SPRED1: variants seen among roughly 807,000 people sequenced by gnomAD.
The protein encoded by SPRED1 is sprouty related EVH1 domain containing 1.
SPRED1 carries 18 observed loss-of-function variants against 52.3 expected under a neutral mutation model. The ratio of observed to expected loss-of-function variants is 0.34; its 90% confidence interval spans 0.24 to 0.51. The LOEUF (loss-of-function observed/expected upper bound fraction) is 0.51. Ranked by LOEUF, SPRED1 falls within the 20% of genes least tolerant of loss-of-function variation. The pLI is 0.97. For synonymous variants in SPRED1, 155 were observed against 179.7 expected (o/e 0.86, Z 1.10); for missense variants, 485 against 551.0 (o/e 0.88, Z 1.20).
At chr15:38,304,764 T>A (rs558750112) in intron 2 of SPRED1, among the ~76,000 whole-genome samples, 1 of 152,334 alleles carries the variant, frequency 6.6e-6, no homozygotes. Flanking sequence ...TTTTATAATT[T>A]CCTGTCATTT....
At chr15:38,257,587 G>C (rs1263921593) in intron 1 of SPRED1, among the ~76,000 whole-genome samples, 3 of 152,168 alleles carry the variant, frequency 2.0e-5, no homozygotes, top group South Asian at 2.1e-4. Flanking sequence ...GTTTGGATGT[G>C]CTTGGCCTCT....
intron 4 of SPRED1, among the ~76,000 whole-genome samples, chr15:38,331,633 CTAGGG>C (rs1895809483): frequency 1.3e-5 from 2 of 151,750 alleles, no homozygotes; most frequent in African/African-American, 4.8e-5. Flanking sequence ...ATTTTTTTTA[CTAGGG>C]TAGGTATATT....
At chr15:38,318,448 TTA>T (rs908103125) in intron 2 of SPRED1, among the ~76,000 whole-genome samples, 1 of 152,128 alleles carries the variant, frequency 6.6e-6, no homozygotes, top group Non-Finnish European at 1.5e-5. Flanking sequence ...ATTGATTTAT[TTA>T]CAATTTCATC....
chr15:38,324,262 C>T (rs751829514), intron 3 of SPRED1, among the ~76,000 whole-genome samples: 14 of 152,054 alleles, frequency 9.2e-5, no homozygotes, highest in Non-Finnish European at 1.6e-4. Context: ...TGTACAGAGA[C>T]GTTGATGCAA....
At chr15:38,292,036 A>C (rs990731346) in intron 1 of SPRED1, among the ~76,000 whole-genome samples, 6 of 152,150 alleles carry the variant, frequency 3.9e-5, no homozygotes, top group African/African-American at 1.4e-4. Context: ...AAAACAGCAT[A>C]AAACAACACC....
intron 2 of SPRED1, among the ~76,000 whole-genome samples, chr15:38,302,889 C>T (rs182797752): frequency 9.4e-4 from 143 of 152,186 alleles, no homozygotes; most frequent in African/African-American, 3.2e-3. Flanking sequence ...CTTGGCCGGG[C>T]GTGGTGGCTC....
chr15:38,336,307 A>G (rs1183201070), intron 4 of SPRED1, among the ~76,000 whole-genome samples: 1 of 151,272 alleles, frequency 6.6e-6, no homozygotes, highest in African/African-American at 2.4e-5. Flanking sequence ...GCATGCTTAG[A>G]GCACTATAAT....
At chr15:38,266,321 A>C (rs890156904) in intron 1 of SPRED1, among the ~76,000 whole-genome samples, 1 of 152,158 alleles carries the variant, frequency 6.6e-6, no homozygotes, top group African/African-American at 2.4e-5. Context: ...GTAACAGTTA[A>C]GAACATATAA....
At position 38,352,142 on chromosome 15, in the gene SPRED1, GC is replaced by G. The variant is rs1888504345; in HGVS notation, c.*479del. ...ATCATTTATTAGTTGTTTTTTGAAAGCAGTTTTATGTATAAATAACAAATGT... is the reference window on the plus strand; with the variant it reads ...ATCATTTATTAGTTGTTTTTTGAAAGAGTTTTATGTATAAATAACAAATGT... On this transcript the variant is annotated 3_prime_UTR_variant, in exon 7 of 7. Transcript: ENST00000299084. 6.0e-6 allele frequency: 1 copy of G among 166,318 alleles called. No individual in the cohort carries two copies. The highest frequency in any genetic ancestry group is 2.4e-5 in the African/African-American group (1 of 41,460). 10.3% of individuals were successfully genotyped at this position (166,318 alleles called of 1,614,324 possible).
At chr15:38,291,383 A>G (rs11637128) in intron 1 of SPRED1, among the ~76,000 whole-genome samples, 125,656 of 152,144 alleles carry the variant, frequency 0.83, 52,647 homozygotes, top group Non-Finnish European at 0.9. Context: ...GCTGTCAGTG[A>G]ATCTACCATT....
intron 1 of SPRED1, among the ~76,000 whole-genome samples, chr15:38,290,345 T>A (rs1894896761): frequency 6.6e-6 from 1 of 152,226 alleles, no homozygotes; most frequent in African/African-American, 2.4e-5. Context: ...TAGTTTGAAC[T>A]GTTTTCATAG....
intron 1 of SPRED1, among the ~76,000 whole-genome samples, chr15:38,278,585 AC>A: frequency 6.6e-6 from 1 of 152,140 alleles, no homozygotes; most frequent in East Asian, 1.9e-4. Context: ...TTTTAGGATG[AC>A]CCCTGACCAA....
chr15:38,261,278 A>G (rs1402340706), intron 1 of SPRED1, among the ~76,000 whole-genome samples: 1 of 152,220 alleles, frequency 6.6e-6, no homozygotes, highest in Non-Finnish European at 1.5e-5. Context: ...GATTTACTTA[A>G]CTTTGGGATT....
intron 1 of SPRED1, among the ~76,000 whole-genome samples, chr15:38,294,453 C>T (rs909999374): frequency 6.6e-6 from 1 of 152,024 alleles, no homozygotes; most frequent in Non-Finnish European, 1.5e-5. Flanking sequence ...GTGTTTCCTC[C>T]TTTGTAGTAG....
At chr15:38,280,755 A>G (rs1894669789) in intron 1 of SPRED1, among the ~76,000 whole-genome samples, 1 of 152,216 alleles carries the variant, frequency 6.6e-6, no homozygotes, top group Non-Finnish European at 1.5e-5. Flanking sequence ...GTAGAAATTT[A>G]ACATCTCTTA....
intron 2 of SPRED1, among the ~76,000 whole-genome samples, chr15:38,310,153 G>GTGTGTGTGTGTGTGTT (rs373463622): frequency 0.19 from 25,345 of 131,856 alleles, 2,922 homozygotes; most frequent in Middle Eastern, 0.23. Context: ...GTGTGTGTGT[G>GTGTGTGTGTGTGTGTT]TTTGGAGACG....
intron 2 of SPRED1, among the ~76,000 whole-genome samples, chr15:38,321,300 T>C (rs962951970): frequency 6.6e-6 from 1 of 152,130 alleles, no homozygotes; most frequent in African/African-American, 2.4e-5. Context: ...TTCTACAAAT[T>C]TGAAATACTT....
intron 2 of SPRED1, among the ~76,000 whole-genome samples, chr15:38,317,007 G>T (rs1895501830): frequency 6.6e-6 from 1 of 151,526 alleles, no homozygotes; most frequent in Admixed American, 6.6e-5. Context: ...CACTTCTGAT[G>T]TCTTTCCAGT....
At chr15:38,288,836 A>G (rs1894863148) in intron 1 of SPRED1, among the ~76,000 whole-genome samples, 1 of 152,154 alleles carries the variant, frequency 6.6e-6, no homozygotes. Context: ...AGGATTATTC[A>G]AAGCCCTAAA....
Sources: gnomAD v4.1 joint callset for allele counts (sites outside exome capture counted in the v4.1 genomes callset) on GRCh38, gnomAD v4.1.1 for gene constraint, MANE v1.5 for transcripts, NCBI Gene and HGNC (gene_info 2026-07-23, HGNC 2026-07-21) for gene names.